TSPAN9: variants seen among roughly 807,000 people sequenced by gnomAD.
TSPAN9 encodes the protein tetraspanin-9.
Under a neutral mutation model 31.0 loss-of-function variants are expected in TSPAN9, and 16 were observed. The ratio of observed to expected loss-of-function variants is 0.52; its 90% confidence interval spans 0.35 to 0.78. The LOEUF (loss-of-function observed/expected upper bound fraction) is 0.78. Ranked by LOEUF, TSPAN9 falls within the 30% of genes least tolerant of loss-of-function variation. The pLI is 0.01. For missense variants in TSPAN9, 272 were observed against 312.5 expected (o/e 0.87, Z 0.98); for synonymous variants, 145 against 121.6 (o/e 1.19, Z -1.27).
rs1377213749 is a variant in TSPAN9 at position 3,170,554 on chromosome 12, C to T, written c.-17-30623C>T. ...AACAAAATCTGATCTGGTGGATGTG[C>T]GTGGCGTAGATAAGAGATCACTGAG... On this transcript the variant is annotated intron_variant, in intron 2 of 8. Coordinates refer to ENST00000011898, the MANE Select transcript of TSPAN9 (RefSeq NM_006675.5). The surrounding 1 kb of genome is among the most constrained non-coding windows in gnomAD (Gnocchi z 4.4). 6.6e-6 allele frequency among the ~76,000 whole-genome samples: 1 copy of T among 150,862 alleles called. No homozygotes were observed. The highest frequency in any genetic ancestry group is 2.0e-4 in the East Asian group (1 of 5,128).
chr12:3,104,980 G>T (rs1341328003), intron 2 of TSPAN9, among the ~76,000 whole-genome samples: 1 of 152,208 alleles, frequency 6.6e-6, no homozygotes, highest in African/African-American at 2.4e-5. Context: ...GCTCTCAGGC[G>T]TTCAGCTGGT....
At chr12:3,163,873 A>G (rs2153969673) in intron 2 of TSPAN9, among the ~76,000 whole-genome samples, 1 of 152,224 alleles carries the variant, frequency 6.6e-6, no homozygotes, top group South Asian at 2.1e-4. Context: ...CTGCCTGTGG[A>G]TATTAGAGAC....
intron 2 of TSPAN9, among the ~76,000 whole-genome samples, chr12:3,113,607 G>T (rs2098320383): frequency 1.3e-5 from 2 of 152,198 alleles, no homozygotes; most frequent in Admixed American, 1.3e-4. Context: ...GCTGCCTGGT[G>T]TGGGGTTGTA....
intron 2 of TSPAN9, among the ~76,000 whole-genome samples, chr12:3,196,983 C>G (rs754533863): frequency 1.3e-5 from 2 of 152,152 alleles, no homozygotes; most frequent in Non-Finnish European, 2.9e-5. Flanking sequence ...GAGGGCCCTC[C>G]GTGACACCAG....
chr12:3,216,398 A>G lies in TSPAN9; in HGVS notation c.63+15142A>G, dbSNP rs61907329. Among the ~76,000 whole-genome samples the G allele has an allele frequency of 5.9e-4, 90 of 152,126 alleles. 1 individual carries two copies. Among genetic ancestry groups the G allele is most frequent in the Non-Finnish European group, 1.1e-3 (75 of 68,022 alleles). On this transcript the variant is annotated intron_variant, in intron 3 of 8. Transcript: ENST00000011898. Reference sequence around the variant, plus strand: ...GCTCCCCCGAGATGTCCAAGCTCACACTGGGCACTCGCTGGTCAGAGTGGT... The same window carrying G: ...GCTCCCCCGAGATGTCCAAGCTCACGCTGGGCACTCGCTGGTCAGAGTGGT...
chr12:3,232,657 C>T (rs537483052), intron 3 of TSPAN9, among the ~76,000 whole-genome samples: 1 of 152,364 alleles, frequency 6.6e-6, no homozygotes, highest in South Asian at 2.1e-4. Context: ...GGAGTGGAGA[C>T]TGGGCTGTTT....
At chr12:3,169,097 C>T (rs914192148) in intron 2 of TSPAN9, among the ~76,000 whole-genome samples, 1 of 152,232 alleles carries the variant, frequency 6.6e-6, no homozygotes, top group Non-Finnish European at 1.5e-5. Flanking sequence ...TTTCACCCGC[C>T]TGTGAGTTCT....
intron 3 of TSPAN9, among the ~76,000 whole-genome samples, chr12:3,253,518 G>T (rs1395092663): frequency 6.6e-6 from 1 of 152,254 alleles, no homozygotes; most frequent in East Asian, 1.9e-4. Context: ...AAGGAAGGGT[G>T]TCTGCCGCAG....
chr12:3,102,822 C>A (rs1181339663), intron 2 of TSPAN9, among the ~76,000 whole-genome samples: 1 of 152,188 alleles, frequency 6.6e-6, no homozygotes, highest in Non-Finnish European at 1.5e-5. Context: ...AAAATTGGAT[C>A]TGGAACAGAG....
chr12:3,242,673 C>T (rs1214999210), intron 3 of TSPAN9, among the ~76,000 whole-genome samples: 7 of 152,330 alleles, frequency 4.6e-5, no homozygotes, highest in East Asian at 3.9e-4. Flanking sequence ...CAGCGGTCAC[C>T]GGGCGTGACT....
At chr12:3,156,653 A>G (rs1370026363) in intron 2 of TSPAN9, among the ~76,000 whole-genome samples, 1 of 151,866 alleles carries the variant, frequency 6.6e-6, no homozygotes. Context: ...GATTACAGGC[A>G]TGCGCCACCA....
chr12:3,236,795 G>A (rs2098394001), intron 3 of TSPAN9, among the ~76,000 whole-genome samples: 1 of 152,080 alleles, frequency 6.6e-6, no homozygotes, highest in Non-Finnish European at 1.5e-5. Flanking sequence ...GGAGAGGGTG[G>A]GTAGTGACGT....
chr12:3,240,130 C>T (rs1484145407), intron 3 of TSPAN9, among the ~76,000 whole-genome samples: 1 of 152,126 alleles, frequency 6.6e-6, no homozygotes, highest in East Asian at 1.9e-4. Context: ...GCCTCCACAA[C>T]CTTCCATTCC....
At chr12:3,252,917 C>G (rs1366802199) in intron 3 of TSPAN9, among the ~76,000 whole-genome samples, 1 of 152,122 alleles carries the variant, frequency 6.6e-6, no homozygotes, top group East Asian at 1.9e-4. Flanking sequence ...TCAGGGCAGT[C>G]TGGAAGAAGG....
chr12:3,220,554 C>T (rs1189040195), intron 3 of TSPAN9, among the ~76,000 whole-genome samples: 1 of 152,218 alleles, frequency 6.6e-6, no homozygotes. Flanking sequence ...GATTCTGCTG[C>T]ACCCGGGCCA....
intron 2 of TSPAN9, among the ~76,000 whole-genome samples, chr12:3,167,941 G>A (rs79840625): frequency 0.024 from 3,619 of 152,292 alleles, 147 homozygotes; most frequent in African/African-American, 0.082. Context: ...GCTCCTTTGG[G>A]AGCTCTGGGT....
intron 2 of TSPAN9, among the ~76,000 whole-genome samples, chr12:3,190,913 G>A (rs1172060173): frequency 6.6e-6 from 1 of 152,240 alleles, no homozygotes; most frequent in Non-Finnish European, 1.5e-5. Flanking sequence ...AAAGAGGAGG[G>A]ACACAGTCCT....
intron 3 of TSPAN9, among the ~76,000 whole-genome samples, chr12:3,219,814 A>G (rs1241798383): frequency 6.7e-6 from 1 of 148,348 alleles, no homozygotes; most frequent in Non-Finnish European, 1.5e-5. Context: ...ACAAACCTGC[A>G]CATTCTGCAC....
At chr12:3,271,766 C>T (rs1368677289) in intron 3 of TSPAN9, among the ~76,000 whole-genome samples, 1 of 152,112 alleles carries the variant, frequency 6.6e-6, no homozygotes, top group Non-Finnish European at 1.5e-5. Flanking sequence ...GCCCCTCCTG[C>T]CTCTCCCTTT....
Sources: gnomAD v4.1 joint callset for allele counts (sites outside exome capture counted in the v4.1 genomes callset) on GRCh38, gnomAD v4.1.1 for gene constraint, Gnocchi (gnomAD v3.1) non-coding constraint, MANE v1.5 for transcripts, NCBI Gene and HGNC (gene_info 2026-07-23, HGNC 2026-07-21) for gene names.